Variants in TENM2 observed in about 807,000 individuals in gnomAD.
TENM2 encodes teneurin transmembrane protein 2.
Under a neutral mutation model 245.2 loss-of-function variants are expected in TENM2, and 52 were observed. That is an observed-to-expected ratio of 0.21 (90% CI 0.17 to 0.27). The LOEUF (loss-of-function observed/expected upper bound fraction) is 0.27, where lower values mean the gene tolerates loss of function less well. TENM2 is among the 10% of genes least tolerant of loss of function. The pLI is 1.00. For missense variants in TENM2, 3,046 were observed against 3,666.8 expected (o/e 0.83, Z 4.37); for synonymous variants, 1,363 against 1,438.9 (o/e 0.95, Z 1.19).
At chr5:167,698,224 A>T (rs1757898637) in intron 2 of TENM2, among the ~76,000 whole-genome samples, 1 of 152,178 alleles carries the variant, frequency 6.6e-6, no homozygotes, top group African/African-American at 2.4e-5. Flanking sequence ...TACCTTCGTA[A>T]CTACCTTTCC....
intron 25 of TENM2, among the ~76,000 whole-genome samples, chr5:168,231,408 A>T (rs747754905): frequency 9.2e-5 from 14 of 152,240 alleles, no homozygotes; most frequent in Non-Finnish European, 1.9e-4. Context: ...CCAAGAGGCC[A>T]AAAAGGGAAT....
chr5:167,359,050 G>A (rs985926240), intron 1 of TENM2, among the ~76,000 whole-genome samples: 1 of 152,104 alleles, frequency 6.6e-6, no homozygotes, highest in East Asian at 1.9e-4. Flanking sequence ...CAATCTTAAA[G>A]TGTATTTTAA....
chr5:167,006,882 G>A, the TENM2 span, among the ~76,000 whole-genome samples: 1 of 152,012 alleles, frequency 6.6e-6, no homozygotes, highest in Non-Finnish European at 1.5e-5. Flanking sequence ...GCTCAGGCTG[G>A]TCTTGAACTC....
chr5:168,208,233 A>G (rs73385761), intron 19 of TENM2, among the ~76,000 whole-genome samples: 3,490 of 152,310 alleles, frequency 0.023, 128 homozygotes, highest in African/African-American at 0.078. Context: ...TCCTTTTAAT[A>G]AACATAAGAA....
intron 1 of TENM2, among the ~76,000 whole-genome samples, chr5:167,344,363 A>C (rs532241457): frequency 2.0e-5 from 3 of 150,316 alleles, no homozygotes; most frequent in Admixed American, 6.7e-5. Context: ...CTGACTCCAT[A>C]AATCATTTTG....
chr5:167,518,059 C>T (rs1460459123), intron 2 of TENM2, among the ~76,000 whole-genome samples: 1 of 151,742 alleles, frequency 6.6e-6, no homozygotes, highest in Non-Finnish European at 1.5e-5. Context: ...TTACGGCGCA[C>T]ACCTGTAATC....
chr5:167,801,127 T>A (rs1239383794), intron 2 of TENM2, among the ~76,000 whole-genome samples: 1,090 of 91,692 alleles, frequency 0.012, 40 homozygotes, highest in African/African-American at 0.026. Flanking sequence ...TATATATATA[T>A]ATATATATAT....
chr5:167,135,729 G>A, the TENM2 span, among the ~76,000 whole-genome samples: 65 of 152,218 alleles, frequency 4.3e-4, no homozygotes, highest in East Asian at 2.5e-3. Context: ...AGCCAAGGCC[G>A]AGGTTGCAGT....
At chr5:167,431,961 G>GTATATATATATATA (rs112010521) in intron 2 of TENM2, among the ~76,000 whole-genome samples, 567 of 43,522 alleles carry the variant, frequency 0.013, 8 homozygotes, top group Admixed American at 0.018. Flanking sequence ...ATATATATAT[G>GTATATATATATATA]TATATATATA....
chr5:167,805,880 T>C (rs1300740355), intron 2 of TENM2, among the ~76,000 whole-genome samples: 1 of 152,156 alleles, frequency 6.6e-6, no homozygotes, highest in Non-Finnish European at 1.5e-5. Context: ...TGAATAATTG[T>C]CCTGGGGGGA....
the TENM2 span, among the ~76,000 whole-genome samples, chr5:167,251,952 A>G: frequency 1.3e-5 from 2 of 152,158 alleles, no homozygotes; most frequent in Admixed American, 1.3e-4. Context: ...TGGCAATACT[A>G]GAGATGAAAC....
intron 2 of TENM2, among the ~76,000 whole-genome samples, chr5:167,714,808 T>G (rs1474429478): frequency 6.6e-6 from 1 of 152,152 alleles, no homozygotes; most frequent in Non-Finnish European, 1.5e-5. Flanking sequence ...TCATTACCAC[T>G]GGGGCTATCT....
chr5:168,131,892 G>T (rs1754612278), intron 12 of TENM2, among the ~76,000 whole-genome samples: 1 of 152,050 alleles, frequency 6.6e-6, no homozygotes, highest in African/African-American at 2.4e-5. Context: ...TTCCTCCAGG[G>T]GCTCTTATTA....
the TENM2 span, among the ~76,000 whole-genome samples, chr5:167,249,025 A>G: frequency 6.6e-6 from 1 of 152,158 alleles, no homozygotes; most frequent in Non-Finnish European, 1.5e-5. Flanking sequence ...TATCTCTGTA[A>G]TTAATACTAT....
intron 2 of TENM2, among the ~76,000 whole-genome samples, chr5:167,570,424 A>C (rs1774194445): frequency 6.6e-6 from 1 of 151,690 alleles, no homozygotes; most frequent in Non-Finnish European, 1.5e-5. Context: ...GGCTGTTTTC[A>C]ATGGCTGTGT....
chr5:167,148,756 A>T, the TENM2 span, among the ~76,000 whole-genome samples: 4 of 152,138 alleles, frequency 2.6e-5, no homozygotes, highest in Admixed American at 2.6e-4. Flanking sequence ...AAGGAGTTCA[A>T]AGTTTTTCTT....
chr5:168,067,020 A>G (rs1388025112), intron 7 of TENM2, among the ~76,000 whole-genome samples: 1 of 152,240 alleles, frequency 6.6e-6, no homozygotes, highest in Non-Finnish European at 1.5e-5. Flanking sequence ...AATCCTTTGC[A>G]AGAACAAGTC....
chr5:167,027,441 C>T, the TENM2 span, among the ~76,000 whole-genome samples: 3 of 152,164 alleles, frequency 2.0e-5, no homozygotes, highest in South Asian at 6.2e-4. Context: ...AAATGCTTAT[C>T]TATTAGCATT....
At chr5:166,981,726 A>G in the TENM2 span, among the ~76,000 whole-genome samples, 1 of 152,224 alleles carries the variant, frequency 6.6e-6, no homozygotes, top group Non-Finnish European at 1.5e-5. Flanking sequence ...CTCGAAGACT[A>G]TGAGTACGTT....
Sources: allele counts gnomAD v4.1 joint callset (sites outside exome capture counted in the v4.1 genomes callset), GRCh38; gene constraint gnomAD v4.1.1; transcripts MANE v1.5; gene names NCBI Gene and HGNC (gene_info 2026-07-23, HGNC 2026-07-21).